STAC: variants seen among roughly 807,000 people sequenced by gnomAD.
STAC encodes the protein SH3 and cysteine rich domain.
STAC carries 43 observed loss-of-function variants against 48.8 expected under a neutral mutation model. The observed-to-expected ratio is 0.88, with a 90% CI of 0.69 to 1.14. STAC has a LOEUF of 1.14. STAC is among the 50% of genes most tolerant of loss of function. The pLI is 0.00. For missense variants in STAC, 497 were observed against 504.0 expected (o/e 0.99, Z 0.13); for synonymous variants, 193 against 179.5 (o/e 1.07, Z -0.60).
chr3:36,439,954 C>G (rs181831456), intron 1 of STAC, among the ~76,000 whole-genome samples: 1 of 152,356 alleles, frequency 6.6e-6, no homozygotes, highest in East Asian at 1.9e-4. Context: ...CTTCCCCCTT[C>G]TTTGACAGTT....
chr3:36,545,948 C>T (rs1440139497), intron 10 of STAC, among the ~76,000 whole-genome samples: 2 of 152,034 alleles, frequency 1.3e-5, no homozygotes, highest in African/African-American at 2.4e-5. Context: ...TTTTATTGAT[C>T]CTCATTCATA....
In STAC at chr3:36,511,729, A is replaced by T. The variant is rs530449774; in HGVS notation, c.920+5895A>T. Among the ~76,000 whole-genome samples, 147 of 152,170 alleles carry T rather than the reference A, an allele frequency of 9.7e-4. 1 individual carries two copies. Among genetic ancestry groups the T allele is most frequent in the Non-Finnish European group, 1.3e-3 (90 of 68,028 alleles). ...AAGCCTGCCTCTCCACACTGGAGCG[A>T]CCTGGGCTTTCCCAATTCTTCTGGT... is the stretch of plus-strand genomic sequence containing the variant. On this transcript the variant is annotated intron_variant, in intron 8 of 10. Transcript: ENST00000273183.
intron 1 of STAC, among the ~76,000 whole-genome samples, chr3:36,438,484 A>T (rs1696222925): frequency 6.6e-6 from 1 of 152,182 alleles, no homozygotes; most frequent in African/African-American, 2.4e-5. Context: ...ATATGTTCTC[A>T]TCTGGCCTCT....
chr3:36,531,712 C>T (rs1699069888), intron 10 of STAC, among the ~76,000 whole-genome samples: 1 of 152,120 alleles, frequency 6.6e-6, no homozygotes, highest in African/African-American at 2.4e-5. Flanking sequence ...CATAAGATGG[C>T]CCGATTCCCT....
At position 36,443,331 on chromosome 3, in the gene STAC, C is replaced by CAAGCA; in HGVS notation, c.112-33_112-32insAAGCA. 1 of 1,611,820 alleles carries CAAGCA rather than the reference C, an allele frequency of 6.2e-7. No homozygotes were observed. Among genetic ancestry groups the CAAGCA allele is most frequent in the Non-Finnish European group, 8.5e-7 (1 of 1,179,090 alleles). On this transcript the variant is annotated intron_variant, in intron 1 of 10. Coordinates refer to ENST00000273183, the MANE Select transcript of STAC (RefSeq NM_003149.3). The surrounding 1 kb of genome is among the most constrained non-coding windows in gnomAD (Gnocchi z 4.2). Reference sequence around the variant, plus strand: ...GCCTAGGTCTGCTTGATCCATTGATCGTAAGAGAGACTGTTCTGTCATTGC... The same window carrying CAAGCA: ...GCCTAGGTCTGCTTGATCCATTGATCAAGCAGTAAGAGAGACTGTTCTGTCATTGC...
chr3:36,482,308 G>T (rs533619328), intron 2 of STAC, among the ~76,000 whole-genome samples: 17 of 152,170 alleles, frequency 1.1e-4, no homozygotes, highest in Non-Finnish European at 1.8e-4. Context: ...CCTCTCCAGT[G>T]CTCCTGCCTT....
intron 2 of STAC, among the ~76,000 whole-genome samples, chr3:36,454,096 C>T (rs1013867465): frequency 1.3e-5 from 2 of 152,090 alleles, no homozygotes; most frequent in African/African-American, 2.4e-5. Flanking sequence ...TGGGTGGGGC[C>T]AAATAAGAGA....
chr3:36,422,746 T>C, intron 1 of STAC, among the ~76,000 whole-genome samples: 1 of 152,152 alleles, frequency 6.6e-6, no homozygotes, highest in East Asian at 1.9e-4. Flanking sequence ...GTGTCATTTT[T>C]ACCTATGTAA....
Position 36,443,675 on chromosome 3 carries a change from A to AC in STAC, c.388+40dup. 1 of 1,597,290 alleles carries AC rather than the reference A, an allele frequency of 6.3e-7. No individual in the cohort carries two copies. Among genetic ancestry groups the AC allele is most frequent in the Non-Finnish European group, 8.5e-7 (1 of 1,176,046 alleles). On this transcript the variant is annotated intron_variant, in intron 2 of 10. Transcript: ENST00000273183. The surrounding 1 kb of genome is among the most constrained non-coding windows in gnomAD (Gnocchi z 4.2). ...CCCACCCCTTTCTCCAGATCCCAGCACCCCCGGAAAGCTGAGTGAGAGTGG... is the reference window on the plus strand; with the variant it reads ...CCCACCCCTTTCTCCAGATCCCAGCACCCCCCGGAAAGCTGAGTGAGAGTGG...
chr3:36,446,774 A>C (rs956721381), intron 2 of STAC, among the ~76,000 whole-genome samples: 6 of 152,226 alleles, frequency 3.9e-5, no homozygotes, highest in Non-Finnish European at 8.8e-5. Flanking sequence ...AAATTAACTA[A>C]ATGTTTTTAA....
At chr3:36,400,367 C>T (rs7623911) in intron 1 of STAC, among the ~76,000 whole-genome samples, 30,287 of 152,124 alleles carry the variant, frequency 0.2, 3,159 homozygotes, top group Admixed American at 0.23. Context: ...AATCTCATTT[C>T]ACTGAAAATA....
chr3:36,400,020 C>T (rs185090030), intron 1 of STAC, among the ~76,000 whole-genome samples: 15 of 152,288 alleles, frequency 9.8e-5, no homozygotes, highest in Admixed American at 6.5e-4. Context: ...GTTGATGCCC[C>T]GGTCGAAAGA....
chr3:36,465,474 T>C (rs568722733), intron 2 of STAC, among the ~76,000 whole-genome samples: 1 of 152,184 alleles, frequency 6.6e-6, no homozygotes, highest in Non-Finnish European at 1.5e-5. Flanking sequence ...CTAAGTCCCA[T>C]CTATTTATCT....
At chr3:36,520,177 A>G (rs1328444021) in intron 8 of STAC, among the ~76,000 whole-genome samples, 2 of 152,204 alleles carry the variant, frequency 1.3e-5, no homozygotes, top group Admixed American at 1.3e-4. Flanking sequence ...AGTATTTCAC[A>G]GAGGAGAAAA....
chr3:36,526,857 G>A (rs1409880738), intron 8 of STAC, among the ~76,000 whole-genome samples: 1 of 152,164 alleles, frequency 6.6e-6, no homozygotes, highest in Non-Finnish European at 1.5e-5. Context: ...GGAAAAGGCA[G>A]CTCTACTTAG....
chr3:36,541,278 A>C (rs1372992643), intron 10 of STAC, among the ~76,000 whole-genome samples: 1 of 152,202 alleles, frequency 6.6e-6, no homozygotes, highest in African/African-American at 2.4e-5. Flanking sequence ...ATCACTAACA[A>C]GGAGGACAGA....
At chr3:36,497,711 G>A (rs1698183358) in intron 6 of STAC, among the ~76,000 whole-genome samples, 2 of 150,912 alleles carry the variant, frequency 1.3e-5, no homozygotes, top group South Asian at 4.2e-4. Context: ...AAAGTGGAGA[G>A]GAAAGGAAAG....
intron 1 of STAC, among the ~76,000 whole-genome samples, chr3:36,424,473 A>G (rs112547786): frequency 1.3e-5 from 2 of 152,292 alleles, no homozygotes; most frequent in African/African-American, 4.8e-5. Flanking sequence ...AGTCATTTAT[A>G]TATTCCCTAG....
At chr3:36,385,206 AC>A (rs1459421027) in intron 1 of STAC, among the ~76,000 whole-genome samples, 6 of 152,094 alleles carry the variant, frequency 3.9e-5, no homozygotes, top group African/African-American at 1.4e-4. Context: ...GTCTTCCTAT[AC>A]TTTTAAGTAA....
Sources: allele counts gnomAD v4.1 joint callset (sites outside exome capture counted in the v4.1 genomes callset), GRCh38; gene constraint gnomAD v4.1.1; non-coding constraint Gnocchi (gnomAD v3.1); transcripts MANE v1.5; gene names NCBI Gene and HGNC (gene_info 2026-07-23, HGNC 2026-07-21).